The following PAM variants were observed in gnomAD, a reference collection of about 807,000 sequenced individuals.
PAM encodes the protein peptidyl-glycine alpha-amidating monooxygenase.
PAM carries 72 observed loss-of-function variants against 122.1 expected under a neutral mutation model. The ratio of observed to expected loss-of-function variants is 0.59; its 90% CI spans 0.49 to 0.72. The LOEUF is 0.72. Ranked by LOEUF, PAM falls within the 30% of genes least tolerant of loss-of-function variation. The probability of loss-of-function intolerance (pLI) is 0.00; values close to 1 mark genes in which losing one functional copy is unlikely to be tolerated. For missense variants in PAM, 1,106 were observed against 1,183.7 expected, an observed-to-expected ratio of 0.93 and a Z score of 0.96; for synonymous variants, 389 against 404.4, an observed-to-expected ratio of 0.96 and a Z score of 0.46.
chr5:102,813,086 AC>A (rs1233222332), intron 1 of PAM, among the ~76,000 whole-genome samples: 2 of 151,832 alleles, frequency 1.3e-5, no homozygotes, highest in Non-Finnish European at 2.9e-5. Flanking sequence ...AAAAAAAAAA[AC>A]CTCACAGAGC....
Position 102,926,610 on chromosome 5 carries a change from G to A in PAM, c.468G>A (p.Glu156=). ...GTGTTGGATTCAGAGTTGGAGGAGAGACTGGAAGTAAATACTTTGTACTAC... is the reference window on the plus strand; with the variant it reads ...GTGTTGGATTCAGAGTTGGAGGAGAAACTGGAAGTAAATACTTTGTACTAC... ...PKGVGFRVGG[E]TGSKYFVLQV... is the part of the protein sequence containing the mutation. Residue 156 remains glutamate (E), a synonymous_variant, in exon 7 of 26, where the codon GAG becomes GAA. Transcript: ENST00000438793. 1 of 1,595,466 alleles carries A rather than the reference G, an allele frequency of 6.3e-7. No homozygotes were observed. Among genetic ancestry groups the A allele is most frequent in the Non-Finnish European group, 8.6e-7 (1 of 1,163,306 alleles).
At chr5:102,946,760 C>A in intron 7 of PAM, 77 bp from the exon 8 acceptor site, 1 of 840,964 alleles carries the variant, frequency 1.2e-6, no homozygotes, top group South Asian at 1.5e-5. Context: ...TGGTTATAAT[C>A]ATTTCTATCT....
chr5:102,759,686 A>G (rs901715765), intron 1 of PAM, among the ~76,000 whole-genome samples: 2 of 152,224 alleles, frequency 1.3e-5, no homozygotes, highest in African/African-American at 4.8e-5. Flanking sequence ...TGACCTCTAC[A>G]TGTAAGAAAC....
intron 16 of PAM, among the ~76,000 whole-genome samples, chr5:103,000,867 T>A (rs12659870): frequency 1.6e-4 from 25 of 151,976 alleles, no homozygotes; most frequent in African/African-American, 6.0e-4. Context: ...TCCCATGACA[T>A]GTGGGGATTA....
intron 1 of PAM, among the ~76,000 whole-genome samples, chr5:102,848,592 A>C (rs1019479074): frequency 6.6e-6 from 1 of 152,232 alleles, no homozygotes; most frequent in Non-Finnish European, 1.5e-5. Flanking sequence ...ACAAATCATC[A>C]GACTTTTTAG....
chr5:102,920,190 G>T (rs1746902411), intron 5 of PAM, among the ~76,000 whole-genome samples: 1 of 152,072 alleles, frequency 6.6e-6, no homozygotes, highest in African/African-American at 2.4e-5. Context: ...TTGGCAGCTT[G>T]ATTGGGCCAT....
At chr5:103,006,778 G>A (rs768657210) in intron 18 of PAM, 23 bp from the exon 19 acceptor site, 33 of 1,559,076 alleles carry the variant, frequency 2.1e-5, no homozygotes, top group Non-Finnish European at 2.8e-5. Flanking sequence ...AAGTAGGTAA[G>A]GCTTTTGTTC....
At chr5:102,878,786 A>G (rs1347148062) in intron 3 of PAM, among the ~76,000 whole-genome samples, 1 of 152,150 alleles carries the variant, frequency 6.6e-6, no homozygotes, top group Non-Finnish European at 1.5e-5. Flanking sequence ...TAAAGAAAAT[A>G]TCTTTATACA....
intron 1 of PAM, chr5:102,864,592 G>C (rs976396846): frequency 7.2e-5 from 11 of 152,056 alleles, no homozygotes; most frequent in Non-Finnish European, 1.6e-4. Context: ...ATTTGTTTTG[G>C]TTCTAGGTTT....
chr5:102,960,557 C>A (rs949128644), intron 13 of PAM, among the ~76,000 whole-genome samples: 1 of 151,860 alleles, frequency 6.6e-6, no homozygotes, highest in Non-Finnish European at 1.5e-5. Context: ...TTATCTAATT[C>A]TCAGAATTGT....
intron 1 of PAM, among the ~76,000 whole-genome samples, chr5:102,818,425 G>A (rs1356414916): frequency 2.0e-5 from 3 of 151,620 alleles, no homozygotes; most frequent in Admixed American, 2.0e-4. Flanking sequence ...AAAGGAAAAT[G>A]TAGCATACCA....
At chr5:102,886,942 A>T (rs1318344351) in intron 3 of PAM, among the ~76,000 whole-genome samples, 1 of 152,080 alleles carries the variant, frequency 6.6e-6, no homozygotes, top group Non-Finnish European at 1.5e-5. Context: ...TCTGTTCTTC[A>T]ATACAGGTAG....
Position 102,816,265 on chromosome 5 carries a change from C to G in PAM, c.-373-49558C>G, listed in dbSNP as rs1185838119. Among the ~76,000 whole-genome samples, 3 of 152,138 alleles carry G rather than the reference C, an allele frequency of 2.0e-5. No individual in the cohort carries two copies. The South Asian group carries it at 6.2e-4, about 31-fold the overall frequency. On this transcript the variant is annotated intron_variant, in intron 1 of 25. Transcript: ENST00000438793. ...CCTGTGTAAAATTACTATTTTACCA[C>G]TGGACACACATTTTAATTCTTTGCC...
chr5:102,843,130 A>G (rs1290600636), intron 1 of PAM, among the ~76,000 whole-genome samples: 1 of 152,234 alleles, frequency 6.6e-6, no homozygotes, highest in Non-Finnish European at 1.5e-5. Context: ...CCAGAGCCTA[A>G]GGACTTGACC....
intron 4 of PAM, among the ~76,000 whole-genome samples, chr5:102,913,694 A>ATG (rs140689624): frequency 6.6e-6 from 1 of 151,718 alleles, no homozygotes; most frequent in Non-Finnish European, 1.5e-5. Flanking sequence ...CATTTTAAAA[A>ATG]TGTGTGTGTG....
In PAM at chr5:102,912,093, C is replaced by T. The variant is rs116656567; in HGVS notation, c.269-1841C>T. ...GGTGCTTGAAACATTGTTTTGCATCCAACCATTTAATTCTTGGAATAAACT... is the reference window on the plus strand; with the variant it reads ...GGTGCTTGAAACATTGTTTTGCATCTAACCATTTAATTCTTGGAATAAACT... On this transcript the variant is annotated intron_variant, in intron 4 of 25. Transcript: ENST00000438793. 9.4e-3 allele frequency among the ~76,000 whole-genome samples: 1,432 copies of T among 152,066 alleles called. 21 individuals carry two copies. Among genetic ancestry groups the T allele is most frequent in the African/African-American group, 0.032 (1,328 of 41,506 alleles).
intron 14 of PAM, among the ~76,000 whole-genome samples, chr5:102,971,951 T>C (rs1439593541): frequency 1.3e-5 from 2 of 152,206 alleles, no homozygotes; most frequent in Non-Finnish European, 2.9e-5. Context: ...TCTGAAACTT[T>C]ATTCTGGCAA....
chr5:102,978,563 G>T (rs947923609), intron 15 of PAM, among the ~76,000 whole-genome samples: 9 of 152,104 alleles, frequency 5.9e-5, no homozygotes, highest in Non-Finnish European at 1.3e-4. Flanking sequence ...GCCTGATTCA[G>T]TCTGTATTAC....
intron 10 of PAM, 80 bp downstream of exon 10, chr5:102,949,697 G>T: frequency 3.7e-6 from 3 of 809,354 alleles, no homozygotes; most frequent in South Asian, 2.9e-5. Flanking sequence ...AATTGTGTTT[G>T]ACCTTAAGTC....
Sources: allele counts gnomAD v4.1 joint callset (sites outside exome capture counted in the v4.1 genomes callset), GRCh38; gene constraint gnomAD v4.1.1; transcripts MANE v1.5; gene names NCBI Gene and HGNC (gene_info 2026-07-23, HGNC 2026-07-21).